The following ZYG11B variants were observed in gnomAD, a reference collection of about 807,000 sequenced individuals.
ZYG11B encodes the protein zyg-11 family member B, cell cycle regulator.
A neutral mutation model predicts 82.4 loss-of-function variants in ZYG11B; 36 were observed. That is an observed-to-expected ratio of 0.44 (90% CI 0.33 to 0.58). The LOEUF is 0.58. ZYG11B is among the 20% of genes least tolerant of loss of function. The pLI is 0.02. For synonymous variants in ZYG11B, 303 were observed against 312.8 expected, an observed-to-expected ratio of 0.97 and a Z score of 0.33; for missense variants, 552 against 895.6, an observed-to-expected ratio of 0.62 and a Z score of 4.90.
intron 6 of ZYG11B, among the ~76,000 whole-genome samples, chr1:52,790,750 C>T (rs1325481427): frequency 1.1e-4 from 12 of 108,704 alleles, no homozygotes; most frequent in South Asian, 3.4e-4. Flanking sequence ...AGACATAGGT[C>T]TTCTAATTCT....
intron 10 of ZYG11B, among the ~76,000 whole-genome samples, chr1:52,806,076 A>G (rs1188735916): frequency 1.3e-5 from 2 of 152,058 alleles, no homozygotes; most frequent in Non-Finnish European, 2.9e-5. Flanking sequence ...AATTTTTTCA[A>G]TAATTTAATT....
chr1:52,789,869 GC>G (rs1644942072), intron 5 of ZYG11B, 133 bp from the exon 6 acceptor site: 1 of 532,606 alleles, frequency 1.9e-6, no homozygotes. Flanking sequence ...TACTAGGGGG[GC>G]AGATAAAGAT....
At chr1:52,728,134 T>C (rs1333312757) in intron 1 of ZYG11B, among the ~76,000 whole-genome samples, 1 of 152,230 alleles carries the variant, frequency 6.6e-6, no homozygotes, top group African/African-American at 2.4e-5. Context: ...TCCTTACTTA[T>C]TATTCCAAGT....
intron 5 of ZYG11B, among the ~76,000 whole-genome samples, chr1:52,788,019 A>C (rs1327579192): frequency 6.6e-6 from 1 of 152,166 alleles, no homozygotes; most frequent in East Asian, 1.9e-4. Flanking sequence ...CCCATGGAGA[A>C]AAGCAGAAAA....
intron 3 of ZYG11B, chr1:52,772,625 C>T: frequency 9.4e-7 from 1 of 1,058,694 alleles, no homozygotes; most frequent in Non-Finnish European, 1.5e-6. Flanking sequence ...ACAGGCCCTT[C>T]TCAGGAGCAC....
intron 6 of ZYG11B, among the ~76,000 whole-genome samples, chr1:52,794,551 C>T (rs192761315): frequency 4.6e-5 from 7 of 152,236 alleles, no homozygotes; most frequent in East Asian, 1.9e-4. Context: ...ATATAGTCCC[C>T]GCCCTCAAGG....
In ZYG11B at chr1:52,821,581, T is replaced by C. The variant is rs1462333577; in HGVS notation, c.2187T>C (p.His729=). The change falls in exon 14 of 14, where the codon CAT becomes CAC. Residue 729 remains histidine (H), a synonymous_variant. Coordinates refer to ENST00000294353, the MANE Select transcript of ZYG11B (RefSeq NM_024646.3). ...GCTTAGAAAAACACATTGTGCGCCATGGGAGGCCACCTCCCTGTAAAAAAC... is the reference window on the plus strand; with the variant it reads ...GCTTAGAAAAACACATTGTGCGCCACGGGAGGCCACCTCCCTGTAAAAAAC... ...LDSLEKHIVR[H]GRPPPCKKQP... The C allele has an allele frequency of 3.1e-6, 5 of 1,613,990 alleles. No homozygotes were observed. Among genetic ancestry groups the C allele is most frequent in the Non-Finnish European group, 4.2e-6 (5 of 1,179,994 alleles).
At chr1:52,807,677 G>C (rs1645152420) in intron 10 of ZYG11B, among the ~76,000 whole-genome samples, 4 of 151,820 alleles carry the variant, frequency 2.6e-5, no homozygotes, top group Admixed American at 2.6e-4. Flanking sequence ...TTTTTGTAGA[G>C]ATGGGTTTTC....
chr1:52,785,049 A>C lies in ZYG11B; in HGVS notation c.1265A>C (p.Gln422Pro). The C allele has an allele frequency of 6.2e-7, 1 of 1,613,078 alleles. No homozygotes were observed. Among genetic ancestry groups the C allele is most frequent in the South Asian group, 1.1e-5 (1 of 91,036 alleles). ...LKAMEHFPNH[Q>P]QLQKNCLLSL... ...GCCATGGAACATTTTCCCAATCACCAGCAGGTAAGCTTATGTGAATTCCTT... is the reference window on the plus strand; with the variant it reads ...GCCATGGAACATTTTCCCAATCACCCGCAGGTAAGCTTATGTGAATTCCTT... The change falls in exon 5 of 14, where the codon CAG (glutamine) becomes CCG (proline). Residue 422 changes from glutamine (Q) to proline (P), a missense_variant. Coordinates refer to ENST00000294353, the MANE Select transcript of ZYG11B (RefSeq NM_024646.3).
chr1:52,788,110 A>G (rs988987183), intron 5 of ZYG11B, among the ~76,000 whole-genome samples: 1 of 152,184 alleles, frequency 6.6e-6, no homozygotes, highest in Non-Finnish European at 1.5e-5. Flanking sequence ...GTTGCATGTG[A>G]CTGGAGTGTA....
intron 2 of ZYG11B, among the ~76,000 whole-genome samples, chr1:52,768,209 T>C (rs532321994): frequency 6.6e-6 from 1 of 152,178 alleles, no homozygotes; most frequent in African/African-American, 2.4e-5. Flanking sequence ...AGAGAGCAGA[T>C]TTTGGGGGAG....
At chr1:52,783,882 ATATG>A (rs1644884046) in intron 4 of ZYG11B, among the ~76,000 whole-genome samples, 2 of 126,052 alleles carry the variant, frequency 1.6e-5, no homozygotes, top group African/African-American at 6.9e-5. Context: ...ACGTGTGTGT[ATATG>A]TACATACACG....
intron 8 of ZYG11B, among the ~76,000 whole-genome samples, chr1:52,798,730 A>T (rs1188678462): frequency 6.6e-6 from 1 of 152,212 alleles, no homozygotes; most frequent in East Asian, 1.9e-4. Context: ...AAGCAGATAC[A>T]TGATTTTGCT....
chr1:52,769,829 C>T (rs1039344476), intron 2 of ZYG11B, among the ~76,000 whole-genome samples: 3 of 152,096 alleles, frequency 2.0e-5, no homozygotes, highest in African/African-American at 4.8e-5. Context: ...TTTACCTGTC[C>T]TCAACTGCTC....
chr1:52,804,771 A>G (rs1463184437), intron 10 of ZYG11B, among the ~76,000 whole-genome samples: 2 of 152,060 alleles, frequency 1.3e-5, no homozygotes, highest in African/African-American at 2.4e-5. Flanking sequence ...ATGTGGCAAA[A>G]GCCATTTTAT....
intron 8 of ZYG11B, among the ~76,000 whole-genome samples, chr1:52,799,911 T>G (rs1297887073): frequency 1.3e-5 from 2 of 152,210 alleles, no homozygotes; most frequent in Non-Finnish European, 2.9e-5. Flanking sequence ...TTCAGTTATG[T>G]CTCTTACTAG....
In ZYG11B at chr1:52,823,215, A is replaced by G. The variant is rs188981807; in HGVS notation, c.*1586A>G. The G allele has an allele frequency of 3.3e-5, 5 of 152,218 alleles. No individual in the cohort carries two copies. Among genetic ancestry groups the G allele is most frequent in the African/African-American group, 7.2e-5 (3 of 41,534 alleles). 9.4% of individuals were successfully genotyped at this position (152,218 alleles called of 1,614,324 possible). ...ATGCTTGTAATCCCAGCACTTTGGGAAGCTGAAGCAGGAGGATTGCTTGAG... is the reference window on the plus strand; with the variant it reads ...ATGCTTGTAATCCCAGCACTTTGGGGAGCTGAAGCAGGAGGATTGCTTGAG... On this transcript the variant is annotated 3_prime_UTR_variant, in exon 14 of 14. Transcript: ENST00000294353.
chr1:52,726,736 C>G, intron 1 of ZYG11B, 53 bp downstream of exon 1: 7 of 1,432,786 alleles, frequency 4.9e-6, no homozygotes, highest in Non-Finnish European at 5.5e-6. Flanking sequence ...CTAGCCCCCG[C>G]CCGTCGCGCT....
chr1:52,802,590 ATCC>A (rs1325100939), intron 10 of ZYG11B, among the ~76,000 whole-genome samples: 1 of 151,514 alleles, frequency 6.6e-6, no homozygotes, highest in Non-Finnish European at 1.5e-5. Flanking sequence ...AGCTCAAGCA[ATCC>A]TCCTACCTCG....
Sources: gnomAD v4.1 joint callset for allele counts (sites outside exome capture counted in the v4.1 genomes callset) on GRCh38, gnomAD v4.1.1 for gene constraint, MANE v1.5 for transcripts, NCBI Gene and HGNC (gene_info 2026-07-23, HGNC 2026-07-21) for gene names.